The following HOMER1 variants were observed in gnomAD, a reference collection of about 807,000 sequenced individuals.
HOMER1 encodes the protein homer protein homolog 1.
A neutral mutation model predicts 48.9 loss-of-function variants in HOMER1; 3 were observed. That is an observed-to-expected ratio of 0.06 (90% CI 0.03 to 0.16). The LOEUF is 0.16. Ranked by LOEUF, HOMER1 falls within the 10% of genes least tolerant of loss-of-function variation. The probability of loss-of-function intolerance (pLI) is 1.00; values close to 1 mark genes in which losing one functional copy is unlikely to be tolerated. For missense variants in HOMER1, 247 were observed against 411.4 expected (o/e 0.60, Z 3.46); for synonymous variants, 134 against 146.4 (o/e 0.92, Z 0.61).
intron 1 of HOMER1, among the ~76,000 whole-genome samples, chr5:79,484,954 A>G (rs1041133796): frequency 6.6e-6 from 1 of 151,424 alleles, no homozygotes; most frequent in African/African-American, 2.4e-5. Flanking sequence ...CCTGAGGCCA[A>G]CAACAGCTGT....
rs547454757 is a variant in HOMER1 at position 79,385,566 on chromosome 5, G to A, written c.877-9369C>T. On this transcript the variant is annotated intron_variant, in intron 8 of 8. Coordinates refer to ENST00000334082, the MANE Select transcript of HOMER1 (RefSeq NM_004272.5). ...AAATAAGATATCATCTTATGGCCAG[G>A]TGCGATGGCTCATGCCTATGGTCCT... 3.3e-5 allele frequency among the ~76,000 whole-genome samples: 5 copies of A among 152,194 alleles called. No homozygotes were observed. The South Asian group carries it at 1.0e-3, about 32-fold the overall frequency.
At chr5:79,410,785 C>T (rs1334841464) in intron 5 of HOMER1, among the ~76,000 whole-genome samples, 1 of 152,036 alleles carries the variant, frequency 6.6e-6, no homozygotes, top group Non-Finnish European at 1.5e-5. Context: ...ACAATTAATA[C>T]CTTAGGATTA....
At chr5:79,425,867 T>C (rs1750234473) in intron 5 of HOMER1, among the ~76,000 whole-genome samples, 6 of 151,974 alleles carry the variant, frequency 3.9e-5, no homozygotes, top group Admixed American at 3.3e-4. Flanking sequence ...CACCCTAAAA[T>C]GATCTAATTA....
At chr5:79,452,554 G>C (rs1258810788) in intron 2 of HOMER1, among the ~76,000 whole-genome samples, 1 of 152,080 alleles carries the variant, frequency 6.6e-6, no homozygotes, top group Non-Finnish European at 1.5e-5. Context: ...AACTAAATTT[G>C]CTTACCATGT....
At chr5:79,401,218 C>T (rs6453445) in intron 6 of HOMER1, among the ~76,000 whole-genome samples, 72,650 of 151,954 alleles carry the variant, frequency 0.48, 20,687 homozygotes, top group African/African-American at 0.79. Context: ...TGCAATTACA[C>T]GGCACTTAAG....
intron 5 of HOMER1, among the ~76,000 whole-genome samples, chr5:79,419,161 C>T (rs888379451): frequency 6.6e-6 from 1 of 151,766 alleles, no homozygotes; most frequent in South Asian, 2.1e-4. Context: ...ATCATTAATA[C>T]CTGAAAGACT....
intron 8 of HOMER1, among the ~76,000 whole-genome samples, chr5:79,391,554 C>T (rs900692703): frequency 1.3e-5 from 2 of 151,740 alleles, no homozygotes; most frequent in Non-Finnish European, 2.9e-5. Context: ...ACCATCCTGG[C>T]TAACACGGTG....
intron 1 of HOMER1, among the ~76,000 whole-genome samples, chr5:79,466,453 G>C (rs746211798): frequency 6.6e-6 from 1 of 151,882 alleles, no homozygotes; most frequent in African/African-American, 2.4e-5. Context: ...AGCTGAGATC[G>C]TGCCACTGCA....
At chr5:79,376,732 T>C (rs1459763289) in intron 8 of HOMER1, among the ~76,000 whole-genome samples, 2 of 152,154 alleles carry the variant, frequency 1.3e-5, no homozygotes, top group African/African-American at 4.8e-5. Context: ...TAAATGTATA[T>C]GTAGAGAGTA....
At chr5:79,470,941 G>T (rs866515804) in intron 1 of HOMER1, among the ~76,000 whole-genome samples, 1 of 152,034 alleles carries the variant, frequency 6.6e-6, no homozygotes, top group South Asian at 2.1e-4. Context: ...ATACATGGAG[G>T]ATACACTTAC....
At chr5:79,421,090 G>C (rs1217956349) in intron 5 of HOMER1, among the ~76,000 whole-genome samples, 1 of 152,152 alleles carries the variant, frequency 6.6e-6, no homozygotes, top group Non-Finnish European at 1.5e-5. Flanking sequence ...TCAGTCACTG[G>C]TTTACAATAG....
intron 5 of HOMER1, among the ~76,000 whole-genome samples, chr5:79,416,696 T>C (rs2112241082): frequency 6.6e-6 from 1 of 152,334 alleles, no homozygotes; most frequent in South Asian, 2.1e-4. Flanking sequence ...AATGTAGCTG[T>C]GGCTGAGGAA....
intron 8 of HOMER1, among the ~76,000 whole-genome samples, chr5:79,382,317 C>A (rs1028939784): frequency 6.6e-6 from 1 of 152,072 alleles, no homozygotes; most frequent in Non-Finnish European, 1.5e-5. Context: ...GCTCTGAGAT[C>A]CCCAAACAGA....
intron 8 of HOMER1, among the ~76,000 whole-genome samples, chr5:79,379,603 G>A (rs1748913312): frequency 6.7e-6 from 1 of 148,338 alleles, no homozygotes; most frequent in South Asian, 2.1e-4. Flanking sequence ...TTCCCTTCTT[G>A]CCTTTCTATT....
At chr5:79,461,230 T>A (rs1751309307) in intron 1 of HOMER1, among the ~76,000 whole-genome samples, 1 of 152,238 alleles carries the variant, frequency 6.6e-6, no homozygotes, top group Non-Finnish European at 1.5e-5. Flanking sequence ...ATAACTGAAC[T>A]CTTAAAAAGC....
chr5:79,470,866 A>C (rs1030806070), intron 1 of HOMER1, among the ~76,000 whole-genome samples: 1 of 152,226 alleles, frequency 6.6e-6, no homozygotes, highest in African/African-American at 2.4e-5. Context: ...CTATATAATA[A>C]AGAAAACAGT....
At chr5:79,402,165 TTTC>T in intron 5 of HOMER1, 110 bp from the exon 6 acceptor site, 1 of 962,530 alleles carries the variant, frequency 1.0e-6, no homozygotes, top group African/African-American at 1.7e-5. Context: ...AATGTTTTCT[TTTC>T]TTTTTTTTTT....
At chr5:79,400,934 A>AT (rs746813087) in intron 6 of HOMER1, among the ~76,000 whole-genome samples, 44,299 of 115,052 alleles carry the variant, frequency 0.39, 8,918 homozygotes, top group East Asian at 0.52. Flanking sequence ...AAGAAAAAAG[A>AT]TTTTTTTTTT....
At chr5:79,429,892 G>A (rs933411649) in intron 5 of HOMER1, among the ~76,000 whole-genome samples, 9 of 152,028 alleles carry the variant, frequency 5.9e-5, no homozygotes, top group South Asian at 4.2e-4. Flanking sequence ...GCATGGCGGC[G>A]GGCGCCTGTA....
Sources: gnomAD v4.1 joint callset for allele counts (sites outside exome capture counted in the v4.1 genomes callset) on GRCh38, gnomAD v4.1.1 for gene constraint, MANE v1.5 for transcripts, NCBI Gene and HGNC (gene_info 2026-07-23, HGNC 2026-07-21) for gene names.